The following AK2 variants were observed in gnomAD, a reference collection of about 807,000 sequenced individuals.
AK2 encodes adenylate kinase 2.
A neutral mutation model predicts 24.6 loss-of-function variants in AK2; 15 were observed. The observed-to-expected ratio is 0.61, with a 90% CI of 0.41 to 0.94. The LOEUF (loss-of-function observed/expected upper bound fraction) is 0.94, where lower values mean the gene tolerates loss of function less well. Ranked by LOEUF, AK2 falls within the 40% of genes least tolerant of loss-of-function variation. The pLI, the probability that AK2 is intolerant of heterozygous loss-of-function variation, is 0.00. For synonymous variants in AK2, 102 were observed against 114.0 expected, an observed-to-expected ratio of 0.90 and a Z score of 0.67; for missense variants, 257 against 304.1, an observed-to-expected ratio of 0.85 and a Z score of 1.15.
intron 1 of AK2, 94 bp from the exon 2 acceptor site, chr1:33,024,661 C>T: frequency 1.1e-5 from 17 of 1,532,822 alleles, no homozygotes; most frequent in East Asian, 2.3e-5. Flanking sequence ...CACTTACTGG[C>T]TATGTAAACA....
chr1:33,010,785 G>A lies in AK2; in HGVS notation c.*2396C>T, dbSNP rs758720202. On this transcript the variant is annotated 3_prime_UTR_variant, in exon 6 of 6. Transcript: ENST00000672715. ...AGCACCTAAGAGCAGGGATCACGCCGCGGGGTGATGAGCAGTGTTGCAGTC... is the reference window on the plus strand; with the variant it reads ...AGCACCTAAGAGCAGGGATCACGCCACGGGGTGATGAGCAGTGTTGCAGTC... 1.9e-5 allele frequency: 31 copies of A among 1,614,132 alleles called. No homozygotes were observed. The highest frequency in any genetic ancestry group is 1.6e-4 in the Middle Eastern group (1 of 6,084).
intron 4 of AK2, among the ~76,000 whole-genome samples, chr1:33,015,824 T>C (rs1042885754): frequency 8.6e-5 from 13 of 151,640 alleles, no homozygotes; most frequent in African/African-American, 2.7e-4. Context: ...GGGGTGGAGG[T>C]TGCAGTGAAC....
At chr1:33,031,637 G>A (rs1326563821) in intron 1 of AK2, 2 of 456,078 alleles carry the variant, frequency 4.4e-6, no homozygotes, top group East Asian at 6.9e-5. Flanking sequence ...TAGAGAACAA[G>A]CCATTCAAAC....
intron 4 of AK2, among the ~76,000 whole-genome samples, chr1:33,018,199 C>G (rs887475452): frequency 3.9e-5 from 6 of 152,076 alleles, no homozygotes; most frequent in African/African-American, 1.4e-4. Flanking sequence ...AAGTTAAAAA[C>G]AAAAACCACA....
At position 33,012,128 on chromosome 1, in the gene AK2, T is replaced by G; in HGVS notation, c.*1053A>C. On this transcript the variant is annotated 3_prime_UTR_variant, in exon 6 of 6. Coordinates refer to ENST00000672715, the MANE Select transcript of AK2 (RefSeq NM_001625.4). Reference sequence around the variant, plus strand: ...ACTGCTCTCAGATGATCAGCCTGGATGTTCAGAAGACAATCTGAATTCAAA... The same window carrying G: ...ACTGCTCTCAGATGATCAGCCTGGAGGTTCAGAAGACAATCTGAATTCAAA... 5 of 1,535,492 alleles carry G rather than the reference T, an allele frequency of 3.3e-6. No individual in the cohort carries two copies. The highest frequency in any genetic ancestry group is 4.4e-6 in the Non-Finnish European group (5 of 1,146,728).
chr1:33,016,805 A>G (rs541962330), intron 4 of AK2, among the ~76,000 whole-genome samples: 59 of 150,702 alleles, frequency 3.9e-4, no homozygotes, highest in Non-Finnish European at 4.1e-4. Flanking sequence ...TCCCAGGTTC[A>G]AGCAATTCTC....
chr1:33,024,279 T>C (rs1456757981), intron 2 of AK2, 163 bp downstream of exon 2: 3 of 964,724 alleles, frequency 3.1e-6, no homozygotes, highest in African/African-American at 1.6e-5. Context: ...TGTATCAGCG[T>C]TGGCTGGTAA....
Position 33,036,863 on chromosome 1 carries a change from C to G in AK2, c.-35G>C. On this transcript the variant is annotated 5_prime_UTR_variant, in exon 1 of 6. Transcript: ENST00000672715. ...AGTCTCTCACTGCCACCAGTTCGCACGCCTCACAGGTCCAGTGCTTCCCAG... is the reference window on the plus strand; with the variant it reads ...AGTCTCTCACTGCCACCAGTTCGCAGGCCTCACAGGTCCAGTGCTTCCCAG... 1 of 1,541,100 alleles carries G rather than the reference C, an allele frequency of 6.5e-7. No homozygotes were observed. Among genetic ancestry groups the G allele is most frequent in the Non-Finnish European group, 8.8e-7 (1 of 1,133,992 alleles).
In AK2 at chr1:33,013,355, G is replaced by C. The variant is rs1204705035; in HGVS notation, c.546C>G (p.Ala182=). The C allele has an allele frequency of 6.2e-7, 1 of 1,614,038 alleles. No homozygotes were observed. Among genetic ancestry groups the C allele is most frequent in the Non-Finnish European group, 8.5e-7 (1 of 1,180,004 alleles). ...GGTAGGCTTGCAGGCGGATTTTCAA[G>C]GCCTTTTCATTATCATCTGATCGAC... ...LIRRSDDNEK[A]LKIRLQAYHT... The change falls in exon 6 of 6, where the codon GCC becomes GCG. Residue 182 remains alanine (A), a synonymous_variant. Coordinates refer to ENST00000672715, the MANE Select transcript of AK2 (RefSeq NM_001625.4).
In AK2 at chr1:33,036,879, T is replaced by G. The variant is rs767204843; in HGVS notation, c.-51A>C. The G allele has an allele frequency of 2.0e-6, 3 of 1,478,132 alleles. No individual in the cohort carries two copies. Among genetic ancestry groups the G allele is most frequent in the African/African-American group, 1.4e-5 (1 of 71,690 alleles). The allele number at this position is 1,478,132 out of a possible 1,614,324, so 91.6% of individuals were successfully genotyped here. A position where few individuals can be genotyped will look rare whatever the true frequency, so the allele number is the denominator to read the frequency against. On this transcript the variant is annotated 5_prime_UTR_variant, in exon 1 of 6. Coordinates refer to ENST00000672715, the MANE Select transcript of AK2 (RefSeq NM_001625.4). ...CAGTTCGCACGCCTCACAGGTCCAGTGCTTCCCAGGTCAACGCACGCACGC... is the reference window on the plus strand; with the variant it reads ...CAGTTCGCACGCCTCACAGGTCCAGGGCTTCCCAGGTCAACGCACGCACGC...
rs750937080 is a variant in AK2 at position 33,034,034 on chromosome 1, T to C, written c.93+2702A>G. 3.6e-4 allele frequency among the ~76,000 whole-genome samples: 55 copies of C among 152,124 alleles called. 1 individual carries two copies. The highest frequency in any genetic ancestry group is 5.4e-4 in the Non-Finnish European group (37 of 68,016). On this transcript the variant is annotated intron_variant, in intron 1 of 5. Coordinates refer to ENST00000672715, the MANE Select transcript of AK2 (RefSeq NM_001625.4). The stretch of plus-strand genomic sequence containing the variant: ...GACTACAGGCACACACCACCATGCC[T>C]GGCTAATTTTTGCATTTTTTTGTAG...
rs1639038975 is a variant in AK2, at chr1:33,014,365, C to T, written c.498+157G>A. The T allele has an allele frequency of 1.2e-4, 77 of 648,244 alleles. 1 individual carries two copies. Among genetic ancestry groups the T allele is most frequent in the South Asian group, 1.0e-3 (73 of 70,824 alleles). The allele number at this position is 648,244 out of a possible 1,614,324, so 40.2% of individuals were successfully genotyped here. A position where few individuals can be genotyped will look rare whatever the true frequency, so the allele number is the denominator to read the frequency against. On this transcript the variant is annotated intron_variant, in intron 5 of 5. Transcript: ENST00000672715. ...CTGAGGAGACACTGAATAGATCTGACACAGGCCATGTGATTTACTTGATAG... is the reference window on the plus strand; with the variant it reads ...CTGAGGAGACACTGAATAGATCTGATACAGGCCATGTGATTTACTTGATAG...
chr1:33,032,873 A>G (rs1196302563), intron 1 of AK2, among the ~76,000 whole-genome samples: 2 of 152,164 alleles, frequency 1.3e-5, no homozygotes, highest in Admixed American at 6.5e-5. Flanking sequence ...AAAATAATCC[A>G]ATTTCTGGGG....
chr1:33,029,425 T>C (rs1015485155), intron 1 of AK2: 1 of 150,660 alleles, frequency 6.6e-6, no homozygotes, highest in African/African-American at 2.5e-5. Context: ...TTTTTTTTTT[T>C]TTTTTTGAGA....
intron 4 of AK2, among the ~76,000 whole-genome samples, chr1:33,016,071 T>G (rs145263804): frequency 3.3e-4 from 50 of 152,188 alleles, no homozygotes; most frequent in African/African-American, 1.1e-3. Context: ...AAATAAGCTA[T>G]AGAGTCATCC....
rs773203116 is a variant in AK2, at chr1:33,013,363, C to T, written c.538G>A (p.Glu180Lys). ...TGCAGGCGGATTTTCAAGGCCTTTTCATTATCATCTGATCGACGGATCAAG... is the reference window on the plus strand; with the variant it reads ...TGCAGGCGGATTTTCAAGGCCTTTTTATTATCATCTGATCGACGGATCAAG... The part of the protein sequence containing the change: ...EPLIRRSDDN[E>K]KALKIRLQAY... The change falls in exon 6 of 6, where the codon GAA becomes AAA. Residue 180 changes from glutamate to lysine, a missense_variant. By Grantham distance (56) the Glu-to-Lys change is moderately conservative (BLOSUM62 1). Transcript: ENST00000672715. 2 of 1,614,174 alleles carry T rather than the reference C, an allele frequency of 1.2e-6. No individual in the cohort carries two copies. Among genetic ancestry groups the T allele is most frequent in the Non-Finnish European group, 1.7e-6 (2 of 1,180,028 alleles).
rs1357151804 is a variant in AK2, at chr1:33,008,864, G to A, written c.*4317C>T. 1 of 454,110 alleles carries A rather than the reference G, an allele frequency of 2.2e-6. No homozygotes were observed. Among genetic ancestry groups the A allele is most frequent in the Non-Finnish European group, 4.4e-6 (1 of 226,778 alleles). The allele number at this position is 454,110 out of a possible 1,614,324, so 28.1% of individuals were successfully genotyped here. On this transcript the variant is annotated 3_prime_UTR_variant, in exon 6 of 6. Coordinates refer to ENST00000672715, the MANE Select transcript of AK2 (RefSeq NM_001625.4). ...GATGAGGAAACCCAGGCCCAAAGAAGCAAACAAACAATAGCTCACCCAGTC... is the reference window on the plus strand; with the variant it reads ...GATGAGGAAACCCAGGCCCAAAGAAACAAACAAACAATAGCTCACCCAGTC...
In AK2 at chr1:33,024,542, CAGA is replaced by C; in HGVS notation, c.116_118del (p.Phe39del). 1 of 1,614,140 alleles carries C rather than the reference CAGA, an allele frequency of 6.2e-7. No individual in the cohort carries two copies. The highest frequency in any genetic ancestry group is 1.7e-5 in the Admixed American group (1 of 60,022). Reference sequence around the variant, plus strand: ...GTCCCCAGTAGCTAAATGGCAGACACAGAAGTTTTCAGCCAATCTGGGTGCCTA... The same window carrying C: ...GTCCCCAGTAGCTAAATGGCAGACACAGTTTTCAGCCAATCTGGGTGCCTA... On this transcript the variant is annotated inframe_deletion, in exon 2 of 6. Coordinates refer to ENST00000672715, the MANE Select transcript of AK2 (RefSeq NM_001625.4).
At chr1:33,013,610 G>C (rs1638989405) in intron 5 of AK2, among the ~76,000 whole-genome samples, 1 of 152,182 alleles carries the variant, frequency 6.6e-6, no homozygotes, top group African/African-American at 2.4e-5. Context: ...ACAGAAGTCA[G>C]AGAGTTTGTC....
Sources: gnomAD v4.1 joint callset for allele counts (sites outside exome capture counted in the v4.1 genomes callset) on GRCh38, gnomAD v4.1.1 for gene constraint, MANE v1.5 for transcripts, NCBI Gene and HGNC (gene_info 2026-07-23, HGNC 2026-07-21) for gene names.